The following MTOR variants were observed in gnomAD, a reference collection of about 807,000 sequenced individuals.
The protein encoded by MTOR is serine/threonine-protein kinase mTOR.
MTOR carries 70 observed loss-of-function variants against 319.8 expected under a neutral mutation model. That is an observed-to-expected ratio of 0.22 (90% CI 0.18 to 0.27). The LOEUF (loss-of-function observed/expected upper bound fraction) is 0.27. MTOR is among the 10% of genes least tolerant of loss of function. The pLI, the probability that MTOR is intolerant of heterozygous loss-of-function variation, is 1.00. For synonymous variants in MTOR, 1,183 were observed against 1,211.4 expected, an observed-to-expected ratio of 0.98 and a Z score of 0.49; for missense variants, 1,890 against 3,274.4, an observed-to-expected ratio of 0.58 and a Z score of 10.32.
intron 34 of MTOR, 41 bp downstream of exon 34, chr1:11,144,607 T>C: frequency 6.3e-7 from 1 of 1,576,288 alleles, no homozygotes; most frequent in Non-Finnish European, 8.7e-7. Context: ...CTGGAAGGGG[T>C]AGGGGTAGGT....
intron 28 of MTOR, among the ~76,000 whole-genome samples, chr1:11,197,560 T>C (rs1645827723): frequency 6.6e-6 from 1 of 152,190 alleles, no homozygotes; most frequent in Admixed American, 6.5e-5. Context: ...CACTTTTTTA[T>C]TGAGACAGAA....
At chr1:11,161,356 G>C (rs1644471392) in intron 29 of MTOR, among the ~76,000 whole-genome samples, 1 of 152,298 alleles carries the variant, frequency 6.6e-6, no homozygotes, top group African/African-American at 2.4e-5. Context: ...CCACCTCTAG[G>C]GGCAGGGCAT....
chr1:11,260,546 TA>T (rs879816976), intron 1 of MTOR, among the ~76,000 whole-genome samples: 1,650 of 135,058 alleles, frequency 0.012, 25 homozygotes, highest in African/African-American at 0.032. Context: ...CCATCTCAAT[TA>T]AAAAAAAAAA....
intron 19 of MTOR, among the ~76,000 whole-genome samples, chr1:11,221,716 AGT>A (rs1217951340): frequency 6.7e-6 from 1 of 148,422 alleles, no homozygotes; most frequent in African/African-American, 2.5e-5. Context: ...ATATATATAT[AGT>A]GTATATATAC....
At chr1:11,198,484 C>T (rs1160074386) in intron 28 of MTOR, among the ~76,000 whole-genome samples, 1 of 152,176 alleles carries the variant, frequency 6.6e-6, no homozygotes, top group Non-Finnish European at 1.5e-5. Flanking sequence ...ACACAGCAGG[C>T]TCTATCAGCC....
chr1:11,194,601 C>T (rs1249459669), intron 28 of MTOR: 2 of 1,614,232 alleles, frequency 1.2e-6, no homozygotes, highest in South Asian at 2.2e-5. Flanking sequence ...ACACAGCCTT[C>T]AGCACCAAGG....
intron 25 of MTOR, among the ~76,000 whole-genome samples, chr1:11,205,008 T>C (rs1646093774): frequency 6.6e-6 from 1 of 152,096 alleles, no homozygotes; most frequent in African/African-American, 2.4e-5. Context: ...CAAAGCCTAA[T>C]GGGCTCCAGC....
chr1:11,117,603 G>A, intron 49 of MTOR, among the ~76,000 whole-genome samples: 1 of 152,060 alleles, frequency 6.6e-6, no homozygotes, highest in Admixed American at 6.5e-5. Flanking sequence ...CTGAGTAAAT[G>A]AAAAATATCA....
intron 28 of MTOR, among the ~76,000 whole-genome samples, chr1:11,180,845 C>T (rs1266018930): frequency 2.0e-5 from 3 of 150,654 alleles, no homozygotes; most frequent in African/African-American, 7.3e-5. Flanking sequence ...GGTGCGATCT[C>T]GGCTCACTGC....
chr1:11,193,697 C>G (rs776858069), intron 28 of MTOR: 1 of 1,614,090 alleles, frequency 6.2e-7, no homozygotes, highest in Admixed American at 1.7e-5. Flanking sequence ...TGGCAGCATC[C>G]GTGGGGACTT....
In MTOR at chr1:11,242,500, C is replaced by CAAAAAA. The variant is rs70977555; in HGVS notation, c.1412+608_1412+613dup. ...GGGCAACCAAAGTAAGACTCCATCTCAAAAAAAAAAAAAAAAAAAAAAAAA... is the reference window on the plus strand; with the variant it reads ...GGGCAACCAAAGTAAGACTCCATCTCAAAAAAAAAAAAAAAAAAAAAAAAAAAAAAA... On this transcript the variant is annotated intron_variant, in intron 9 of 57. Transcript: ENST00000361445. Among the ~76,000 whole-genome samples the CAAAAAA allele has an allele frequency of 6.9e-3, 364 of 52,486 alleles. 10 individuals are homozygous for CAAAAAA. The highest frequency in any genetic ancestry group is 0.02 in the African/African-American group (226 of 11,516). 34.4% of individuals were successfully genotyped at this position (52,486 alleles called of 152,430 possible).
chr1:11,121,216 A>T lies in MTOR; in HGVS notation c.6933+30T>A, dbSNP rs778763423. On this transcript the variant is annotated intron_variant, in intron 49 of 57. Coordinates refer to ENST00000361445, the MANE Select transcript of MTOR (RefSeq NM_004958.4). The surrounding 1 kb of genome is among the most constrained non-coding windows in gnomAD (Gnocchi z 4.9). ...CTATTGCGAGTGGGGGTTCCAGGAG[A>T]GCGCAGGTCTGCAGGGCCCAGTGGC... 2.5e-6 allele frequency: 4 copies of T among 1,610,692 alleles called. No individual in the cohort carries two copies. In the Admixed American group the frequency reaches 6.7e-5, roughly 27 times the overall value.
intron 19 of MTOR, among the ~76,000 whole-genome samples, chr1:11,224,590 C>A (rs1391922102): frequency 1.3e-5 from 2 of 152,178 alleles, no homozygotes; most frequent in South Asian, 2.1e-4. Flanking sequence ...TTATGTAAAA[C>A]CCTGTCCATA....
At chr1:11,184,569 A>T (rs1265682467) in intron 28 of MTOR, among the ~76,000 whole-genome samples, 4 of 152,048 alleles carry the variant, frequency 2.6e-5, no homozygotes, top group Admixed American at 2.6e-4. Flanking sequence ...CGTCTCTACA[A>T]AAAAATTTAA....
At chr1:11,218,374 G>A (rs12068959) in intron 19 of MTOR, among the ~76,000 whole-genome samples, 3 of 151,546 alleles carry the variant, frequency 2.0e-5, no homozygotes, top group Non-Finnish European at 4.4e-5. Context: ...AGGTTGCAGT[G>A]AGCTAAGGTC....
chr1:11,248,154 C>A, intron 6 of MTOR, 60 bp from the exon 7 acceptor site: 7 of 1,492,858 alleles, frequency 4.7e-6, no homozygotes, highest in Non-Finnish European at 6.3e-6. Context: ...AAACTGGGCA[C>A]TGTGGATTCT....
intron 46 of MTOR, among the ~76,000 whole-genome samples, chr1:11,125,911 C>T (rs527370842): frequency 5.3e-4 from 80 of 150,524 alleles, no homozygotes; most frequent in African/African-American, 1.9e-3. Context: ...TGTGGTGGTG[C>T]GTGCCTGTAA....
At chr1:11,217,414 CAG>C (rs1646506439) in intron 19 of MTOR, among the ~76,000 whole-genome samples, 1 of 148,866 alleles carries the variant, frequency 6.7e-6, no homozygotes, top group Non-Finnish European at 1.5e-5. Flanking sequence ...TTTTTTGAGA[CAG>C]AGTCTCACTC....
chr1:11,180,057 G>T (rs141342766), intron 28 of MTOR, among the ~76,000 whole-genome samples: 1 of 152,230 alleles, frequency 6.6e-6, no homozygotes, highest in African/African-American at 2.4e-5. Flanking sequence ...GACCACAAGC[G>T]CATGCCATCA....
Sources: gnomAD v4.1 joint callset for allele counts (sites outside exome capture counted in the v4.1 genomes callset) on GRCh38, gnomAD v4.1.1 for gene constraint, Gnocchi (gnomAD v3.1) non-coding constraint, MANE v1.5 for transcripts, NCBI Gene and HGNC (gene_info 2026-07-23, HGNC 2026-07-21) for gene names.